KTN1: variants seen among roughly 807,000 people sequenced by gnomAD.
KTN1 encodes kinectin.
In KTN1, 130 loss-of-function variants were observed where a neutral mutation model predicts 222.5. The ratio of observed to expected loss-of-function variants is 0.58; its 90% confidence interval spans 0.51 to 0.68. KTN1 has a LOEUF of 0.68. Among genes scored for constraint, KTN1 ranks in the 30% least tolerant of loss-of-function variants. The probability of loss-of-function intolerance (pLI) is 0.00; values close to 1 mark genes in which losing one functional copy is unlikely to be tolerated. For missense variants in KTN1, 1,508 were observed against 1,500.4 expected, an observed-to-expected ratio of 1.01 and a Z score of -0.08; for synonymous variants, 512 against 496.3, an observed-to-expected ratio of 1.03 and a Z score of -0.42.
At chr14:55,678,708 G>A (rs955695915) in intron 42 of KTN1, 12 of 371,882 alleles carry the variant, frequency 3.2e-5, no homozygotes, top group African/African-American at 2.5e-4. Context: ...TAGGAACCAG[G>A]CCACACAGCA....
chr14:55,665,253 A>G (rs2141258822), intron 33 of KTN1, among the ~76,000 whole-genome samples: 1 of 151,954 alleles, frequency 6.6e-6, no homozygotes, highest in South Asian at 2.1e-4. Context: ...CTGGTTGTTT[A>G]TATTACTTTG....
Position 55,641,166 on chromosome 14 carries a change from G to T in KTN1, c.2061G>T (p.Glu687Asp). 1 of 1,598,770 alleles carries T rather than the reference G, an allele frequency of 6.3e-7. No homozygotes were observed. Among genetic ancestry groups the T allele is most frequent in the Non-Finnish European group, 8.5e-7 (1 of 1,172,988 alleles). Reference sequence around the variant, plus strand: ...ATGATAAAATAAGATTGCTGGAAGAGCAACTACAACATGAAATTTCAAACA... The same window carrying T: ...ATGATAAAATAAGATTGCTGGAAGATCAACTACAACATGAAATTTCAAACA... ...VKDDKIRLLEEQLQHEISNKM... is the reference protein window; with the variant it reads ...VKDDKIRLLEDQLQHEISNKM... Residue 687 changes from glutamate (E) to aspartate (D), a missense_variant, in exon 17 of 44, where the codon GAG (glutamate) becomes GAT (aspartate). Physicochemically the swap from Glu to Asp is conservative, Grantham distance 45. Transcript: ENST00000395314.
At chr14:55,606,002 A>G (rs528205549) in intron 1 of KTN1, among the ~76,000 whole-genome samples, 7 of 152,330 alleles carry the variant, frequency 4.6e-5, no homozygotes, top group South Asian at 4.1e-4. Context: ...AAAGGTAAAC[A>G]TGGTATGAAG....
intron 34 of KTN1, 178 bp downstream of exon 34, chr14:55,667,508 T>C: frequency 5.0e-6 from 2 of 397,878 alleles, no homozygotes; most frequent in Non-Finnish European, 8.8e-6. Context: ...CATTTCTATT[T>C]ACCTGATACT....
chr14:55,621,197 G>A (rs1162024712), intron 5 of KTN1, among the ~76,000 whole-genome samples: 1 of 152,082 alleles, frequency 6.6e-6, no homozygotes, highest in East Asian at 1.9e-4. Flanking sequence ...GGATTTCATT[G>A]CTGGTATCAT....
At chr14:55,592,713 A>G (rs1271577170) in intron 1 of KTN1, among the ~76,000 whole-genome samples, 1 of 152,236 alleles carries the variant, frequency 6.6e-6, no homozygotes, top group African/African-American at 2.4e-5. Flanking sequence ...AATATTTCAC[A>G]GTGATGCCAG....
intron 29 of KTN1, among the ~76,000 whole-genome samples, chr14:55,657,523 C>T (rs1322555080): frequency 6.6e-6 from 1 of 151,368 alleles, no homozygotes; most frequent in Admixed American, 6.6e-5. Flanking sequence ...TGTGTTTTTC[C>T]CCTTTTTGGG....
At chr14:55,650,497 G>A in intron 23 of KTN1, 72 bp from the exon 24 acceptor site, 1 of 1,500,848 alleles carries the variant, frequency 6.7e-7, no homozygotes, top group Non-Finnish European at 9.2e-7. Context: ...GTGTGTTTTT[G>A]TCTGTGCATT....
rs1173553802 is a variant in KTN1 at position 55,656,230 on chromosome 14, G to GA, written c.2892+99dup. 6 of 767,884 alleles carry GA rather than the reference G, an allele frequency of 7.8e-6. No homozygotes were observed. The East Asian group carries it at 1.6e-4, about 21-fold the overall frequency. The allele number at this position is 767,884 out of a possible 1,614,324, so 47.6% of individuals were successfully genotyped here. On this transcript the variant is annotated intron_variant, in intron 29 of 43. Coordinates refer to ENST00000395314, the MANE Select transcript of KTN1 (RefSeq NM_001079521.2). ...GCTGCCAAAAAATAGAGTACAGAAT[G>GA]AGTCTCCCTCCCACCCAGATACTAG...
chr14:55,651,769 G>C, intron 24 of KTN1, 121 bp from the exon 25 acceptor site: 1 of 638,514 alleles, frequency 1.6e-6, no homozygotes, highest in South Asian at 2.0e-5. Context: ...ATCTCATTTT[G>C]TCATGAAAAA....
chr14:55,657,771 G>T (rs188463988), intron 29 of KTN1, among the ~76,000 whole-genome samples: 99 of 152,082 alleles, frequency 6.5e-4, no homozygotes, highest in African/African-American at 2.2e-3. Context: ...AAAATTAGCC[G>T]GGCATGGTGG....
Position 55,616,576 on chromosome 14 carries a change from C to G in KTN1, c.583C>G (p.Pro195Ala). The G allele has an allele frequency of 6.2e-7, 1 of 1,607,268 alleles. No individual in the cohort carries two copies. Among genetic ancestry groups the G allele is most frequent in the Non-Finnish European group, 8.5e-7 (1 of 1,177,634 alleles). The change falls in exon 3 of 44, where the codon CCC becomes GCC. Residue 195 changes from proline (P) to alanine (A), a missense_variant. Pro to Ala is a conservative substitution (Grantham distance 27). Coordinates refer to ENST00000395314, the MANE Select transcript of KTN1 (RefSeq NM_001079521.2). ...ACCATCAAAAAGGCAAGAAGCATTG[C>G]CCCTCCACCAAGAGACTAAACAAGA... is the stretch of plus-strand genomic sequence containing the variant. ...MVPSKRQEAL[P>A]LHQETKQESG...
At chr14:55,617,164 A>G (rs2038507225) in intron 3 of KTN1, among the ~76,000 whole-genome samples, 1 of 152,226 alleles carries the variant, frequency 6.6e-6, no homozygotes. Context: ...AGACTAAACA[A>G]CTTAAAATTA....
intron 33 of KTN1, among the ~76,000 whole-genome samples, chr14:55,666,604 G>A (rs2044775175): frequency 1.3e-5 from 2 of 151,866 alleles, no homozygotes; most frequent in African/African-American, 4.8e-5. Flanking sequence ...TTATAGCAGA[G>A]TCCATATACA....
At position 55,652,873 on chromosome 14, in the gene KTN1, T is replaced by A; in HGVS notation, c.2627T>A (p.Met876Lys). 1 of 1,607,864 alleles carries A rather than the reference T, an allele frequency of 6.2e-7. No homozygotes were observed. Among genetic ancestry groups the A allele is most frequent in the East Asian group, 2.2e-5 (1 of 44,742 alleles). The change falls in exon 26 of 44, where the codon ATG (methionine) becomes AAG (lysine). Residue 876 changes from methionine (M) to lysine (K), a missense_variant. By Grantham distance (95) the Met-to-Lys change is moderately conservative (BLOSUM62 -1). Coordinates refer to ENST00000395314, the MANE Select transcript of KTN1 (RefSeq NM_001079521.2). Reference sequence around the variant, plus strand: ...AGATTAAAAGGAAAAGAGGAACAGATGAATACCATGAAGGCTGTTTTGGAA... The same window carrying A: ...AGATTAAAAGGAAAAGAGGAACAGAAGAATACCATGAAGGCTGTTTTGGAA... Reference protein sequence around the residue: ...QNLLKGKEEQMNTMKAVLEEK... With the variant: ...QNLLKGKEEQKNTMKAVLEEK...
At chr14:55,581,709 A>G (rs2031689169) in intron 1 of KTN1, among the ~76,000 whole-genome samples, 1 of 152,188 alleles carries the variant, frequency 6.6e-6, no homozygotes, top group Non-Finnish European at 1.5e-5. Context: ...CTAGCAGGCT[A>G]ATGGCAACAG....
intron 1 of KTN1, among the ~76,000 whole-genome samples, chr14:55,586,283 T>G (rs1209479673): frequency 1.3e-5 from 2 of 152,226 alleles, no homozygotes; most frequent in Non-Finnish European, 2.9e-5. Flanking sequence ...TACCACTTAC[T>G]GCATGTGTGA....
At chr14:55,598,981 T>C (rs2035526776) in intron 1 of KTN1, among the ~76,000 whole-genome samples, 1 of 152,214 alleles carries the variant, frequency 6.6e-6, no homozygotes, top group Non-Finnish European at 1.5e-5. Context: ...CCTTTATGTC[T>C]GTTAATTTTT....
At chr14:55,647,633 CAAAAAAAAAAAAAA>C (rs35742930) in intron 19 of KTN1, among the ~76,000 whole-genome samples, 2 of 32,976 alleles carry the variant, frequency 6.1e-5, no homozygotes, top group South Asian at 1.5e-3. Context: ...AACTCTGCCT[CAAAAAAAAAAAAAA>C]AAAAAAAAAA....
Sources: gnomAD v4.1 joint callset for allele counts (sites outside exome capture counted in the v4.1 genomes callset) on GRCh38, gnomAD v4.1.1 for gene constraint, MANE v1.5 for transcripts, NCBI Gene and HGNC (gene_info 2026-07-23, HGNC 2026-07-21) for gene names.